The following COL11A2 variants were observed in gnomAD, a reference collection of about 807,000 sequenced individuals.
COL11A2 encodes collagen type XI alpha 2 chain.
In COL11A2, 116 loss-of-function variants were observed where a neutral mutation model predicts 273.4. The ratio of observed to expected loss-of-function variants is 0.42; its 90% CI spans 0.36 to 0.49. The LOEUF (loss-of-function observed/expected upper bound fraction) is 0.49, where lower values mean the gene tolerates loss of function less well. COL11A2 is among the 20% of genes least tolerant of loss of function. The pLI, the probability that COL11A2 is intolerant of heterozygous loss-of-function variation, is 0.00. For synonymous variants in COL11A2, 782 were observed against 864.2 expected, an observed-to-expected ratio of 0.90 and a Z score of 1.67; for missense variants, 1,866 against 2,309.0, an observed-to-expected ratio of 0.81 and a Z score of 3.93.
rs73741539 is a variant in COL11A2, at chr6:33,184,166, C to A, written c.1098G>T (p.Ala366=). ...EETELGPALS[A]ETAHSGAAAH... is the part of the protein sequence containing the mutation. Reference sequence around the variant, plus strand: ...TTACGGCTCCTGAGTGGGCTGTCTCCGCAGAGAGGGCAGGGCCAAGCTCTG... The same window carrying A: ...TTACGGCTCCTGAGTGGGCTGTCTCAGCAGAGAGGGCAGGGCCAAGCTCTG... The change falls in exon 8 of 66, where the codon GCG becomes GCT. Residue 366 remains alanine, a synonymous_variant. Transcript: ENST00000341947. The A allele has an allele frequency of 1.5e-6, 2 of 1,367,306 alleles. No homozygotes were observed. The allele number at this position is 1,367,306 out of a possible 1,614,324, so 84.7% of individuals were successfully genotyped here.
Position 33,169,394 on chromosome 6 carries a change from T to A in COL11A2, c.3787A>T (p.Lys1263Ter). The A allele has an allele frequency of 1.2e-6, 2 of 1,612,790 alleles. No individual in the cohort carries two copies. The highest frequency in any genetic ancestry group is 8.5e-7 in the Non-Finnish European group (1 of 1,179,976). Residue 1263 changes from lysine to a stop codon, truncating the protein, a stop_gained, in exon 51 of 66, where the codon AAA becomes TAA. Transcript: ENST00000341947. LOFTEE classifies it high-confidence loss of function. The surrounding 1 kb of genome is among the most constrained non-coding windows in gnomAD (Gnocchi z 5.5). ...PKGPTGDDGP[K>*]GNPGPVGFPG... ...TGCCCCAAACTCACAGGGTTCCCTT[T>A]GGGGCCATCATCGCCTGTGGGGCCT...
Position 33,164,937 on chromosome 6 carries a change from C to A in COL11A2, c.4778G>T (p.Gly1593Val). 1 of 1,579,208 alleles carries A rather than the reference C, an allele frequency of 6.3e-7. No homozygotes were observed. Residue 1593 changes from glycine (G) to valine (V), a missense_variant, in exon 64 of 66, where the codon GGC (glycine) becomes GTC (valine). Transcript: ENST00000341947. This position sits in a 1 kb window ranked among gnomAD's most constrained non-coding sequence, Gnocchi z 4.7. ...AACTCGGAAGGCATCCCGAGCACAG[C>A]CCTGGTTGGGGTCGACCCAGTACTC... ...DGEYWVDPNQ[G>V]CARDAFRVFC...
chr6:33,180,168 A>G, intron 12 of COL11A2, 90 bp downstream of exon 12: 8 of 1,308,490 alleles, frequency 6.1e-6, no homozygotes, highest in Non-Finnish European at 8.8e-6. Flanking sequence ...AGACTCCTCC[A>G]TATCTTTCCT....
chr6:33,164,962 C>T lies in COL11A2; in HGVS notation c.4753G>A (p.Glu1585Lys). The change falls in exon 64 of 66, where the codon GAG (glutamate) becomes AAG (lysine). Residue 1585 changes from glutamate (E) to lysine (K), a missense_variant and splice_region_variant. Physicochemically the swap from Glu to Lys is moderately conservative, Grantham distance 56. Transcript: ENST00000341947. This position sits in a 1 kb window ranked among gnomAD's most constrained non-coding sequence, Gnocchi z 4.7. The stretch of plus-strand genomic sequence containing the variant: ...CCCTGGTTGGGGTCGACCCAGTACT[C>T]TCCTGTTGGGTGAGGGAGAGGGGAG... The part of the protein sequence containing the change: ...KLCHPELPDG[E>K]YWVDPNQGCA... 11 of 1,570,670 alleles carry T rather than the reference C, an allele frequency of 7.0e-6. No individual in the cohort carries two copies. Among genetic ancestry groups the T allele is most frequent in the Non-Finnish European group, 9.5e-6 (11 of 1,156,590 alleles).
At position 33,178,209 on chromosome 6, in the gene COL11A2, G is replaced by C; in HGVS notation, c.1819-24C>G. 1.9e-6 allele frequency: 3 copies of C among 1,612,388 alleles called. No homozygotes were observed. Among genetic ancestry groups the C allele is most frequent in the Non-Finnish European group, 2.5e-6 (3 of 1,179,588 alleles). ...CCCTGCATTCACGGTGAGGGGAGGA[G>C]ACGGCATGAATGGATAAAACTGTGT... On this transcript the variant is annotated intron_variant, in intron 20 of 65. Coordinates refer to ENST00000341947, the MANE Select transcript of COL11A2 (RefSeq NM_080680.3). This position sits in a 1 kb window ranked among gnomAD's most constrained non-coding sequence, Gnocchi z 4.6.
In COL11A2 at chr6:33,170,433, T is replaced by G; in HGVS notation, c.3529-54A>C. The G allele has an allele frequency of 1.3e-6, 2 of 1,593,618 alleles. No homozygotes were observed. Among genetic ancestry groups the G allele is most frequent in the Non-Finnish European group, 1.7e-6 (2 of 1,168,698 alleles). On this transcript the variant is annotated intron_variant, in intron 47 of 65. Coordinates refer to ENST00000341947, the MANE Select transcript of COL11A2 (RefSeq NM_080680.3). This position sits in a 1 kb window ranked among gnomAD's most constrained non-coding sequence, Gnocchi z 4.3. ...GGAAGGGAAGTGAGATGGCTGAGCATGAATGGTGGAGAGAGGAGGAGGAGC... is the reference window on the plus strand; with the variant it reads ...GGAAGGGAAGTGAGATGGCTGAGCAGGAATGGTGGAGAGAGGAGGAGGAGC...
At position 33,178,416 on chromosome 6, in the gene COL11A2, C is replaced by A; in HGVS notation, c.1773+19G>T. ...AGACCTCCCCTGCACCCAGCCCCTA[C>A]ATTTGCCACTACACTTACCCTCTCT... is the stretch of plus-strand genomic sequence containing the variant. On this transcript the variant is annotated intron_variant, in intron 19 of 65. Coordinates refer to ENST00000341947, the MANE Select transcript of COL11A2 (RefSeq NM_080680.3). This position sits in a 1 kb window ranked among gnomAD's most constrained non-coding sequence, Gnocchi z 4.6. The A allele has an allele frequency of 6.2e-7, 1 of 1,612,976 alleles. No homozygotes were observed. Among genetic ancestry groups the A allele is most frequent in the Non-Finnish European group, 8.5e-7 (1 of 1,179,978 alleles).
chr6:33,171,749 C>T lies in COL11A2; in HGVS notation c.3114G>A (p.Gln1038=). The part of the protein sequence containing the change: ...PIGPPGRPGP[Q]GPPGAAGEKG... ...TCTCTCCTGCTGCTCCAGGGGGACC[C>T]TGCGGGCCTGGGCGCCCTGGCGGAC... is the stretch of plus-strand genomic sequence containing the variant. The change falls in exon 42 of 66, where the codon CAG becomes CAA. Residue 1038 remains glutamine (Q), a synonymous_variant. Coordinates refer to ENST00000341947, the MANE Select transcript of COL11A2 (RefSeq NM_080680.3). 1.6e-5 allele frequency: 26 copies of T among 1,612,980 alleles called. No homozygotes were observed. The highest frequency in any genetic ancestry group is 2.2e-5 in the Non-Finnish European group (26 of 1,179,968).
In COL11A2 at chr6:33,167,893, G is replaced by A; in HGVS notation, c.3961-41C>T. 2 of 1,609,194 alleles carry A rather than the reference G, an allele frequency of 1.2e-6. No individual in the cohort carries two copies. The highest frequency in any genetic ancestry group is 1.7e-6 in the Non-Finnish European group (2 of 1,177,598). ...GAAGGAAGAGCACATGAGGCCGTGG[G>A]CAGCCAGGCTCAACTCTTCCCCCTT... On this transcript the variant is annotated intron_variant, in intron 54 of 65. Coordinates refer to ENST00000341947, the MANE Select transcript of COL11A2 (RefSeq NM_080680.3). This position sits in a 1 kb window ranked among gnomAD's most constrained non-coding sequence, Gnocchi z 6.1.
In COL11A2 at chr6:33,169,763, G is replaced by T; in HGVS notation, c.3690+68C>A. 16 of 1,595,338 alleles carry T rather than the reference G, an allele frequency of 1.0e-5. No homozygotes were observed. Among genetic ancestry groups the T allele is most frequent in the Non-Finnish European group, 1.2e-5 (14 of 1,163,050 alleles). ...GAGTTCCAGCTCAAGGAGGTCACAG[G>T]AAAAGTGGAGGCAGGGTTGAGGCGG... On this transcript the variant is annotated intron_variant, in intron 50 of 65. Transcript: ENST00000341947. This position sits in a 1 kb window ranked among gnomAD's most constrained non-coding sequence, Gnocchi z 5.5.
rs886061320 is a variant in COL11A2 at position 33,192,466 on chromosome 6, G to A, written c.-226C>T. 8.4e-4 allele frequency: 491 copies of A among 585,362 alleles called. 2 individuals are homozygous for A. Among genetic ancestry groups the A allele is most frequent in the Admixed American group, 2.7e-3 (91 of 33,304 alleles). 36.3% of individuals were successfully genotyped at this position (585,362 alleles called of 1,614,324 possible). On this transcript the variant is annotated 5_prime_UTR_variant, in exon 1 of 66. Transcript: ENST00000341947. Reference sequence around the variant, plus strand: ...CCTCCTCGGTGGCTGCCGCTTCTGTGTGTCCCCGGCCACCCTGGCGCCCAG... The same window carrying A: ...CCTCCTCGGTGGCTGCCGCTTCTGTATGTCCCCGGCCACCCTGGCGCCCAG...
At position 33,167,200 on chromosome 6, in the gene COL11A2, G is replaced by C. The variant is rs189177654; in HGVS notation, c.4176+64C>G. The C allele has an allele frequency of 9.9e-6, 16 of 1,613,860 alleles. No homozygotes were observed. In the East Asian group the frequency reaches 2.7e-4, roughly 27 times the overall value. ...TCCCCAACAGCCTCCACTTCCTCCA[G>C]GGCTTCAGCTCTGTCCCAGGGCACT... On this transcript the variant is annotated intron_variant, in intron 57 of 65. Transcript: ENST00000341947. The surrounding 1 kb of genome is among the most constrained non-coding windows in gnomAD (Gnocchi z 6.1).
Position 33,167,339 on chromosome 6 carries a change from AG to A in COL11A2, c.4123-23del, listed in dbSNP as rs1769303917. 2 of 1,613,030 alleles carry A rather than the reference AG, an allele frequency of 1.2e-6. No homozygotes were observed. The highest frequency in any genetic ancestry group is 3.3e-4 in the Middle Eastern group (2 of 6,084). On this transcript the variant is annotated intron_variant, in intron 56 of 65. Coordinates refer to ENST00000341947, the MANE Select transcript of COL11A2 (RefSeq NM_080680.3). The surrounding 1 kb of genome is among the most constrained non-coding windows in gnomAD (Gnocchi z 6.1). ...GACCCTGAAGATTTGAGGGGGCCAC[AG>A]GGGTCAGGAGGAGCATCCCCACACT... is the stretch of plus-strand genomic sequence containing the variant.
Position 33,170,176 on chromosome 6 carries a change from G to A in COL11A2, c.3583-76C>T. The A allele has an allele frequency of 1.9e-6, 3 of 1,601,678 alleles. No individual in the cohort carries two copies. The highest frequency in any genetic ancestry group is 2.6e-6 in the Non-Finnish European group (3 of 1,169,790). ...TCAGGGGCAAAGTCCCAGATGAGCA[G>A]CCCAAGGTTACAGCAGTGAGGCAGT... is the stretch of plus-strand genomic sequence containing the variant. On this transcript the variant is annotated intron_variant, in intron 48 of 65. Coordinates refer to ENST00000341947, the MANE Select transcript of COL11A2 (RefSeq NM_080680.3). This position sits in a 1 kb window ranked among gnomAD's most constrained non-coding sequence, Gnocchi z 4.3.
In COL11A2 at chr6:33,166,380, G is replaced by A; in HGVS notation, c.4392+133C>T. 7.9e-7 allele frequency: 1 copy of A among 1,268,360 alleles called. No homozygotes were observed. Among genetic ancestry groups the A allele is most frequent in the Non-Finnish European group, 1.1e-6 (1 of 905,442 alleles). 78.6% of individuals were successfully genotyped at this position (1,268,360 alleles called of 1,614,324 possible). A position where few individuals can be genotyped will look rare whatever the true frequency, so the allele number is the denominator to read the frequency against. On this transcript the variant is annotated intron_variant, in intron 60 of 65. Coordinates refer to ENST00000341947, the MANE Select transcript of COL11A2 (RefSeq NM_080680.3). The surrounding 1 kb of genome is among the most constrained non-coding windows in gnomAD (Gnocchi z 4.8). ...GGAAGTATGGGGAGGAGGTACTGGT[G>A]GTGACAGGACAAATGGGGGACCCTG...
chr6:33,177,190 A>G lies in COL11A2; in HGVS notation c.2007T>C (p.His669=). ...LPGPQGAIGP[H]GEKGPQGKPG... ...TCACTTAGTCACTTACCTTCTCTCC[A>G]TGAGGGCCGATGGCACCCTGGGGCC... is the stretch of plus-strand genomic sequence containing the variant. The change falls in exon 24 of 66, where the codon CAT becomes CAC. Residue 669 remains histidine, a synonymous_variant. Transcript: ENST00000341947. The surrounding 1 kb of genome is among the most constrained non-coding windows in gnomAD (Gnocchi z 5.9). 1 of 1,612,928 alleles carries G rather than the reference A, an allele frequency of 6.2e-7. No individual in the cohort carries two copies. The highest frequency in any genetic ancestry group is 8.5e-7 in the Non-Finnish European group (1 of 1,179,952).
rs1458674673 is a variant in COL11A2, at chr6:33,164,302, T to C, written c.5035A>G (p.Ser1679Gly). The C allele has an allele frequency of 1.2e-6, 2 of 1,612,868 alleles. No individual in the cohort carries two copies. The highest frequency in any genetic ancestry group is 2.2e-5 in the East Asian group (1 of 44,896). The change falls in exon 65 of 66, where the codon AGC becomes GGC. Residue 1679 changes from serine (S) to glycine (G), a missense_variant. Coordinates refer to ENST00000341947, the MANE Select transcript of COL11A2 (RefSeq NM_080680.3). The surrounding 1 kb of genome is among the most constrained non-coding windows in gnomAD (Gnocchi z 4.7). ...TCTCTGAATTCTTTGACATAGGGGC[T>C]AGTCTCCGGGCTCAGCTCATCCTCA... ...ANEDELSPET[S>G]PYVKEFRDGC...
chr6:33,164,480 GGA>G lies in COL11A2; in HGVS notation c.4864-9_4864-8del. On this transcript the variant is annotated splice_polypyrimidine_tract_variant and splice_region_variant and intron_variant, in intron 64 of 65. Coordinates refer to ENST00000341947, the MANE Select transcript of COL11A2 (RefSeq NM_080680.3). This position sits in a 1 kb window ranked among gnomAD's most constrained non-coding sequence, Gnocchi z 4.7. ...CTGAGTCCACGTAAGAGAACTGGAA[GGA>G]GAGAGAGGGCTGGCCTCAGAGGGGG... 1 of 1,530,258 alleles carries G rather than the reference GGA, an allele frequency of 6.5e-7. No individual in the cohort carries two copies. The highest frequency in any genetic ancestry group is 8.8e-7 in the Non-Finnish European group (1 of 1,133,378). 94.8% of individuals were successfully genotyped at this position (1,530,258 alleles called of 1,614,324 possible). A position where few individuals can be genotyped will look rare whatever the true frequency, so the allele number is the denominator to read the frequency against.
chr6:33,193,126 G>A (rs1225154258), upstream of COL11A2, among the ~76,000 whole-genome samples: 1 of 152,144 alleles, frequency 6.6e-6, no homozygotes, highest in Non-Finnish European at 1.5e-5. Flanking sequence ...AGATGAGCGA[G>A]CAGTCGACTC....
Sources: gnomAD v4.1 joint callset for allele counts (sites outside exome capture counted in the v4.1 genomes callset) on GRCh38, gnomAD v4.1.1 for gene constraint, Gnocchi (gnomAD v3.1) non-coding constraint, MANE v1.5 for transcripts, NCBI Gene and HGNC (gene_info 2026-07-23, HGNC 2026-07-21) for gene names.